The following LRMDA variants were observed in gnomAD, a reference collection of about 807,000 sequenced individuals.
LRMDA encodes the protein leucine rich melanocyte differentiation associated, also known as leucine-rich melanocyte differentiation-associated protein.
In LRMDA, 18 loss-of-function variants were observed where a neutral mutation model predicts 29.8. The observed-to-expected ratio is 0.60, with a 90% confidence interval of 0.42 to 0.90. The LOEUF (loss-of-function observed/expected upper bound fraction) is 0.90. LRMDA is among the 40% of genes least tolerant of loss of function. The pLI is 0.00. For missense variants in LRMDA, 273 were observed against 273.9 expected (o/e 1.00, Z 0.02); for synonymous variants, 125 against 109.4 (o/e 1.14, Z -0.89).
chr10:76,152,873 C>T (rs1850470765), intron 5 of LRMDA, among the ~76,000 whole-genome samples: 1 of 151,450 alleles, frequency 6.6e-6, no homozygotes, highest in Non-Finnish European at 1.5e-5. Flanking sequence ...CAGAGTATCA[C>T]TCTGTAGTCC....
chr10:75,724,125 T>C (rs1187056687), intron 2 of LRMDA, among the ~76,000 whole-genome samples: 6 of 152,200 alleles, frequency 3.9e-5, no homozygotes, highest in South Asian at 2.1e-4. Context: ...ACAGGACTTA[T>C]GACAGGTAGA....
intron 2 of LRMDA, among the ~76,000 whole-genome samples, chr10:75,569,244 GT>G (rs1474167293): frequency 6.6e-6 from 1 of 152,138 alleles, no homozygotes; most frequent in Non-Finnish European, 1.5e-5. Context: ...AAGCAACAAA[GT>G]AGTGGTGTTG....
At chr10:76,481,326 C>T (rs796374028) in intron 6 of LRMDA, among the ~76,000 whole-genome samples, 7 of 151,360 alleles carry the variant, frequency 4.6e-5, no homozygotes, top group African/African-American at 1.7e-4. Context: ...TGCAATGGGC[C>T]TGAAATGACC....
intron 5 of LRMDA, among the ~76,000 whole-genome samples, chr10:76,265,655 A>T (rs1235607609): frequency 6.6e-6 from 1 of 152,198 alleles, no homozygotes; most frequent in Non-Finnish European, 1.5e-5. Context: ...AAGACCCATC[A>T]GGCCCTTATG....
At chr10:76,313,294 CAAAG>C (rs1444360339) in intron 5 of LRMDA, among the ~76,000 whole-genome samples, 1 of 152,136 alleles carries the variant, frequency 6.6e-6, no homozygotes, top group East Asian at 1.9e-4. Flanking sequence ...GTTCTCGACA[CAAAG>C]TAAGTACTAA....
At chr10:75,619,797 G>A (rs1275022442) in intron 2 of LRMDA, among the ~76,000 whole-genome samples, 1 of 152,074 alleles carries the variant, frequency 6.6e-6, no homozygotes, top group South Asian at 2.1e-4. Flanking sequence ...CTGTACTCTG[G>A]TCATAGCCAG....
chr10:76,100,530 A>T (rs1000006169), intron 5 of LRMDA, among the ~76,000 whole-genome samples: 1 of 142,682 alleles, frequency 7.0e-6, no homozygotes, highest in Admixed American at 7.0e-5. Flanking sequence ...TGCCTCCAAC[A>T]TCAATCAATG....
At chr10:75,482,681 TAGG>T (rs1844866936) in intron 2 of LRMDA, among the ~76,000 whole-genome samples, 1 of 152,200 alleles carries the variant, frequency 6.6e-6, no homozygotes, top group African/African-American at 2.4e-5. Context: ...GTCCCTATCG[TAGG>T]AGTTTACTGG....
At chr10:75,976,050 T>G (rs1847063908) in intron 2 of LRMDA, among the ~76,000 whole-genome samples, 1 of 152,246 alleles carries the variant, frequency 6.6e-6, no homozygotes, top group African/African-American at 2.4e-5. Flanking sequence ...AATCAGCTCC[T>G]GTCACTCTCT....
intron 5 of LRMDA, among the ~76,000 whole-genome samples, chr10:76,301,211 C>T (rs1336112020): frequency 6.6e-6 from 1 of 152,178 alleles, no homozygotes; most frequent in African/African-American, 2.4e-5. Context: ...TTACCATTAT[C>T]CTTGTCAGTG....
chr10:76,392,216 A>G (rs979697827), intron 6 of LRMDA, among the ~76,000 whole-genome samples: 1 of 152,116 alleles, frequency 6.6e-6, no homozygotes, highest in African/African-American at 2.4e-5. Context: ...CGGTAATCCC[A>G]TCTTCATTCA....
intron 6 of LRMDA, among the ~76,000 whole-genome samples, chr10:76,379,835 A>G (rs1226163728): frequency 1.3e-5 from 2 of 152,158 alleles, no homozygotes; most frequent in African/African-American, 4.8e-5. Flanking sequence ...TCTTTTGAAT[A>G]TAGGCATTTA....
rs1023794706 is a variant in LRMDA, at chr10:75,837,077, G to T, written c.132-198931G>T. Among the ~76,000 whole-genome samples the T allele has an allele frequency of 2.0e-5, 3 of 151,858 alleles. 1 individual carries two copies. The highest frequency in any genetic ancestry group is 7.3e-5 in the African/African-American group (3 of 41,174). ...AAATCTATATTGATATACTGATATT[G>T]ATATAGATATAGATATTGATATAGA... On this transcript the variant is annotated intron_variant, in intron 2 of 6. Transcript: ENST00000611255.
chr10:76,396,888 T>A (rs1841790652), intron 6 of LRMDA, among the ~76,000 whole-genome samples: 1 of 152,048 alleles, frequency 6.6e-6, no homozygotes, highest in Non-Finnish European at 1.5e-5. Flanking sequence ...TTCCTGAGAG[T>A]CTGAGGAATC....
intron 2 of LRMDA, among the ~76,000 whole-genome samples, chr10:76,006,023 G>A (rs1589285317): frequency 6.6e-6 from 1 of 152,246 alleles, no homozygotes; most frequent in South Asian, 2.1e-4. Context: ...CCCCTCTAAT[G>A]CAGGGGTTCA....
At chr10:75,812,212 T>C (rs771755467) in intron 2 of LRMDA, among the ~76,000 whole-genome samples, 29 of 150,784 alleles carry the variant, frequency 1.9e-4, no homozygotes, top group Non-Finnish European at 3.8e-4. Flanking sequence ...CTTTTGTTGA[T>C]GCTATAGGAT....
chr10:76,363,101 C>T, intron 6 of LRMDA, among the ~76,000 whole-genome samples: 1 of 141,908 alleles, frequency 7.0e-6, no homozygotes. Flanking sequence ...CTAGAGGTTT[C>T]AGCCTGTGGA....
At chr10:75,996,010 A>T (rs1212250559) in intron 2 of LRMDA, among the ~76,000 whole-genome samples, 1 of 152,210 alleles carries the variant, frequency 6.6e-6, no homozygotes, top group Non-Finnish European at 1.5e-5. Context: ...GGAAAAGCCT[A>T]ACCTCTCCAA....
In LRMDA at chr10:75,480,554, T is replaced by C. The variant is rs576171076; in HGVS notation, c.131+42060T>C. Reference sequence around the variant, plus strand: ...CAGGCAGAGGGAACACAACAGACAATGAACAAGTGTATTCAAGGGACACAA... The same window carrying C: ...CAGGCAGAGGGAACACAACAGACAACGAACAAGTGTATTCAAGGGACACAA... On this transcript the variant is annotated intron_variant, in intron 2 of 6. Transcript: ENST00000611255. Among the ~76,000 whole-genome samples, 95 of 152,240 alleles carry C rather than the reference T, an allele frequency of 6.2e-4. 2 individuals carry two copies. In the South Asian group the frequency reaches 0.018, roughly 30 times the overall value.
Sources: gnomAD v4.1 joint callset for allele counts (sites outside exome capture counted in the v4.1 genomes callset) on GRCh38, gnomAD v4.1.1 for gene constraint, MANE v1.5 for transcripts, NCBI Gene and HGNC (gene_info 2026-07-23, HGNC 2026-07-21) for gene names.